The following SOBP variants were observed in gnomAD, a reference collection of about 807,000 sequenced individuals.
SOBP encodes sine oculis binding protein homolog, also known as sine oculis-binding protein homolog.
Under a neutral mutation model 53.6 loss-of-function variants are expected in SOBP, and 4 were observed. The ratio of observed to expected loss-of-function variants is 0.07; its 90% CI spans 0.04 to 0.17. The LOEUF is 0.17. SOBP is among the 10% of genes least tolerant of loss of function. SOBP has a pLI of 1.00. For missense variants in SOBP, 1,088 were observed against 1,204.7 expected, an observed-to-expected ratio of 0.90 and a Z score of 1.43; for synonymous variants, 584 against 522.6, an observed-to-expected ratio of 1.12 and a Z score of -1.60.
intron 6 of SOBP, among the ~76,000 whole-genome samples, chr6:107,642,429 C>A (rs1386062239): frequency 6.6e-6 from 1 of 152,170 alleles, no homozygotes; most frequent in Non-Finnish European, 1.5e-5. Context: ...TTAAAATAGT[C>A]CCAAGTGTAC....
Position 107,633,926 on chromosome 6 carries a change from T to C in SOBP, c.1082T>C (p.Ile361Thr), listed in dbSNP as rs1583293632. Residue 361 changes from isoleucine to threonine, a missense_variant, in exon 6 of 7, where the codon ATC becomes ACC. Coordinates refer to ENST00000317357, the MANE Select transcript of SOBP (RefSeq NM_018013.4). ...KSIPISETPN[I>T]PPVSVQPPAS... ...ATCCCCATCAGCGAGACTCCAAATA[T>C]CCCTCCTGTCTCCGTCCAGCCACCT... 6.2e-7 allele frequency: 1 copy of C among 1,613,960 alleles called. No individual in the cohort carries two copies. Among genetic ancestry groups the C allele is most frequent in the Non-Finnish European group, 8.5e-7 (1 of 1,179,974 alleles).
intron 4 of SOBP, among the ~76,000 whole-genome samples, chr6:107,556,558 T>C (rs1187670169): frequency 6.6e-6 from 1 of 152,208 alleles, no homozygotes; most frequent in African/African-American, 2.4e-5. Context: ...ATAGTGTGGT[T>C]TTCCAATGTT....
At chr6:107,565,527 G>A (rs548682887) in intron 4 of SOBP, among the ~76,000 whole-genome samples, 2 of 152,154 alleles carry the variant, frequency 1.3e-5, no homozygotes, top group East Asian at 3.9e-4. Flanking sequence ...TGGGCGGAGA[G>A]AGAAAGAGAG....
At chr6:107,626,849 C>G (rs1770482794) in intron 5 of SOBP, among the ~76,000 whole-genome samples, 1 of 152,106 alleles carries the variant, frequency 6.6e-6, no homozygotes, top group Non-Finnish European at 1.5e-5. Context: ...GGATGATCTC[C>G]TTTTACAGCT....
chr6:107,639,145 T>G (rs1771196878), intron 6 of SOBP, among the ~76,000 whole-genome samples: 2 of 152,166 alleles, frequency 1.3e-5, no homozygotes, highest in South Asian at 2.1e-4. Flanking sequence ...TCAAGTGATC[T>G]GCCCACCTTG....
chr6:107,524,079 G>C (rs1200613368), intron 3 of SOBP, among the ~76,000 whole-genome samples: 1 of 152,252 alleles, frequency 6.6e-6, no homozygotes, highest in Non-Finnish European at 1.5e-5. Context: ...TTTCATTAAA[G>C]AGCAGATGAT....
At chr6:107,531,047 A>T (rs1383307273) in intron 3 of SOBP, among the ~76,000 whole-genome samples, 1 of 152,260 alleles carries the variant, frequency 6.6e-6, no homozygotes, top group East Asian at 1.9e-4. Flanking sequence ...CCTTCAGGCC[A>T]GGTCCAAGCT....
At chr6:107,535,061 C>T (rs959421218) in intron 4 of SOBP, among the ~76,000 whole-genome samples, 1 of 152,118 alleles carries the variant, frequency 6.6e-6, no homozygotes, top group Admixed American at 6.6e-5. Flanking sequence ...TAGAACAGGG[C>T]TTTTTGTCTT....
intron 3 of SOBP, chr6:107,529,420 C>G (rs1267601934): frequency 1.0e-6 from 1 of 983,242 alleles, no homozygotes; most frequent in Non-Finnish European, 1.2e-6. Flanking sequence ...CAAATATAAT[C>G]CAGGTCTTTC....
chr6:107,521,631 T>A (rs1188323468), intron 3 of SOBP, among the ~76,000 whole-genome samples: 3 of 152,180 alleles, frequency 2.0e-5, no homozygotes, highest in Admixed American at 2.0e-4. Flanking sequence ...TGTTCCCGAT[T>A]TTTAGCTATT....
chr6:107,595,380 A>G (rs1240404238), intron 5 of SOBP, among the ~76,000 whole-genome samples: 1 of 116,472 alleles, frequency 8.6e-6, no homozygotes, highest in African/African-American at 3.5e-5. Flanking sequence ...TTTTAGGATC[A>G]CTAAGGCTAT....
chr6:107,574,689 C>T (rs757144192), intron 4 of SOBP, among the ~76,000 whole-genome samples: 3 of 152,134 alleles, frequency 2.0e-5, no homozygotes, highest in Non-Finnish European at 4.4e-5. Flanking sequence ...CTCGTTCTCC[C>T]ATCCTTGCCT....
At chr6:107,574,025 A>G (rs1785152761) in intron 4 of SOBP, among the ~76,000 whole-genome samples, 1 of 152,210 alleles carries the variant, frequency 6.6e-6, no homozygotes, top group Admixed American at 6.5e-5. Context: ...AGAACAGATG[A>G]ATAAGTGAAT....
intron 6 of SOBP, among the ~76,000 whole-genome samples, chr6:107,640,542 G>A (rs893112495): frequency 6.6e-6 from 1 of 152,316 alleles, no homozygotes. Context: ...GGACCTGGGA[G>A]TGTGCTTCCT....
chr6:107,653,216 T>C (rs1771882813), intron 6 of SOBP, among the ~76,000 whole-genome samples: 1 of 152,246 alleles, frequency 6.6e-6, no homozygotes, highest in East Asian at 1.9e-4. Flanking sequence ...GGTAAAAACC[T>C]TCCTTCCTGG....
intron 4 of SOBP, among the ~76,000 whole-genome samples, chr6:107,567,487 G>A (rs143744371): frequency 1.3e-5 from 2 of 152,186 alleles, no homozygotes; most frequent in East Asian, 1.9e-4. Flanking sequence ...TCTTAACCAG[G>A]CAGAAAATTC....
chr6:107,537,745 A>G (rs2114993585), intron 4 of SOBP, among the ~76,000 whole-genome samples: 1 of 151,262 alleles, frequency 6.6e-6, no homozygotes, highest in East Asian at 1.9e-4. Flanking sequence ...TGCTTAGCCC[A>G]GGAGGCTGGG....
chr6:107,634,958 A>C lies in SOBP; in HGVS notation c.2114A>C (p.Asp705Ala), dbSNP rs1770948916. The C allele has an allele frequency of 9.7e-7, 1 of 1,033,492 alleles. No homozygotes were observed. The highest frequency in any genetic ancestry group is 4.4e-5 in the South Asian group (1 of 22,518). The allele number at this position is 1,033,492 out of a possible 1,614,324, so 64.0% of individuals were successfully genotyped here. The change falls in exon 6 of 7, where the codon GAC (aspartate) becomes GCC (alanine). Residue 705 changes from aspartate (D) to alanine (A), a missense_variant. By Grantham distance (126) the Asp-to-Ala change is moderately radical (BLOSUM62 -2). This residue lies in a region of SOBP where 665 missense variants were observed against 629.7 expected (regional missense o/e 1.06). Coordinates refer to ENST00000317357, the MANE Select transcript of SOBP (RefSeq NM_018013.4). This position sits in a 1 kb window ranked among gnomAD's most constrained non-coding sequence, Gnocchi z 4.5. Reference protein sequence around the residue: ...DGHCSPPAAGDPGPGAPAGPE... With the variant: ...DGHCSPPAAGAPGPGAPAGPE... ...CACTGCAGCCCGCCCGCCGCCGGCG[A>C]CCCAGGCCCGGGCGCCCCGGCGGGC... is the stretch of plus-strand genomic sequence containing the variant.
intron 4 of SOBP, among the ~76,000 whole-genome samples, chr6:107,585,732 C>CCTGG (rs1785545067): frequency 1.3e-5 from 2 of 152,196 alleles, no homozygotes; most frequent in African/African-American, 4.8e-5. Flanking sequence ...ATTGCACTTC[C>CCTGG]AAGTTCCATC....
Sources: allele counts gnomAD v4.1 joint callset (sites outside exome capture counted in the v4.1 genomes callset), GRCh38; gene constraint gnomAD v4.1.1; regional missense constraint gnomAD v4.1.1; non-coding constraint Gnocchi (gnomAD v3.1); transcripts MANE v1.5; gene names NCBI Gene and HGNC (gene_info 2026-07-23, HGNC 2026-07-21).